The following PTPRM variants were observed in gnomAD, a reference collection of about 807,000 sequenced individuals.
PTPRM encodes the protein protein tyrosine phosphatase receptor type M.
In PTPRM, 47 loss-of-function variants were observed where a neutral mutation model predicts 186.7. That is an observed-to-expected ratio of 0.25 (90% CI 0.20 to 0.32). The LOEUF is 0.32. PTPRM is among the 10% of genes least tolerant of loss of function. PTPRM has a pLI of 1.00. For synonymous variants in PTPRM, 668 were observed against 674.9 expected, an observed-to-expected ratio of 0.99 and a Z score of 0.16; for missense variants, 1,494 against 1,865.0, an observed-to-expected ratio of 0.80 and a Z score of 3.66.
chr18:7,797,201 T>C (rs1253505384), intron 2 of PTPRM, among the ~76,000 whole-genome samples: 1 of 152,240 alleles, frequency 6.6e-6, no homozygotes, highest in Non-Finnish European at 1.5e-5. Flanking sequence ...GTGACCCTGC[T>C]CTACTGTCCT....
Position 7,567,339 on chromosome 18 carries a change from C to G in PTPRM, c.-480C>G, listed in dbSNP as rs931275316. On this transcript the variant is annotated 5_prime_UTR_variant, in exon 1 of 33. Coordinates refer to ENST00000580170, the MANE Select transcript of PTPRM (RefSeq NM_001105244.2). This position sits in a 1 kb window ranked among gnomAD's most constrained non-coding sequence, Gnocchi z 4.3. ...CCAGTCAGTCGGGGAGCAAGAGCCC[C>G]GCGCGCAGCCGGCGCGGGCTCGGTC... The G allele has an allele frequency of 6.7e-6, 1 of 148,490 alleles. No homozygotes were observed. Among genetic ancestry groups the G allele is most frequent in the South Asian group, 2.1e-4 (1 of 4,836 alleles). The allele number at this position is 148,490 out of a possible 1,614,324, so 9.2% of individuals were successfully genotyped here.
intron 8 of PTPRM, among the ~76,000 whole-genome samples, chr18:8,073,885 A>G (rs1327844631): frequency 6.6e-6 from 1 of 152,216 alleles, no homozygotes; most frequent in African/African-American, 2.4e-5. Flanking sequence ...AGCCCGGATG[A>G]CAGAGCAAGA....
intron 14 of PTPRM, among the ~76,000 whole-genome samples, chr18:8,178,436 A>T (rs960364363): frequency 6.6e-6 from 1 of 152,178 alleles, no homozygotes; most frequent in Admixed American, 6.5e-5. Flanking sequence ...TGGCCTGATT[A>T]TTTGCATAAA....
At chr18:8,068,658 T>C (rs1455111907) in intron 7 of PTPRM, among the ~76,000 whole-genome samples, 1 of 152,222 alleles carries the variant, frequency 6.6e-6, no homozygotes, top group African/African-American at 2.4e-5. Context: ...CTATTCAGAT[T>C]GAAATCCAAA....
intron 2 of PTPRM, among the ~76,000 whole-genome samples, chr18:7,775,474 A>G (rs1467978857): frequency 6.6e-6 from 1 of 152,154 alleles, no homozygotes; most frequent in African/African-American, 2.4e-5. Context: ...AGAGGAGAAC[A>G]CAGCTGTGCT....
chr18:8,090,691 G>T (rs749237111), intron 11 of PTPRM, among the ~76,000 whole-genome samples: 14 of 152,120 alleles, frequency 9.2e-5, no homozygotes, highest in African/African-American at 2.9e-4. Context: ...TGCCTCCCAG[G>T]TTCAAGCGAT....
chr18:8,054,297 TAATA>T lies in PTPRM; in HGVS notation c.1133-15388_1133-15385del, dbSNP rs1414673949. ...TAGTAGTAATATATACTAGTAGTAG[TAATA>T]TATATATATATATATATATATTACT... On this transcript the variant is annotated intron_variant, in intron 7 of 32. Coordinates refer to ENST00000580170, the MANE Select transcript of PTPRM (RefSeq NM_001105244.2). Among the ~76,000 whole-genome samples the T allele has an allele frequency of 1.2e-3, 27 of 22,810 alleles. 2 individuals are homozygous for T. The highest frequency in any genetic ancestry group is 3.6e-3 in the African/African-American group (23 of 6,404). The allele number at this position is 22,810 out of a possible 152,430, so 15.0% of individuals were successfully genotyped here.
At chr18:8,163,468 C>T (rs2093267982) in intron 14 of PTPRM, among the ~76,000 whole-genome samples, 1 of 152,184 alleles carries the variant, frequency 6.6e-6, no homozygotes, top group Non-Finnish European at 1.5e-5. Context: ...GTCCCCTGCC[C>T]TCCTTAGCCA....
chr18:7,976,483 C>G (rs1052886248), intron 7 of PTPRM, among the ~76,000 whole-genome samples: 1 of 152,098 alleles, frequency 6.6e-6, no homozygotes, highest in Non-Finnish European at 1.5e-5. Context: ...TTCGTTGGTA[C>G]GATGTGTTGA....
intron 1 of PTPRM, among the ~76,000 whole-genome samples, chr18:7,573,463 G>A (rs2036610415): frequency 6.6e-6 from 1 of 152,174 alleles, no homozygotes; most frequent in African/African-American, 2.4e-5. Flanking sequence ...GCTTCCTGGG[G>A]CCCAGCTGTG....
chr18:7,895,011 A>G (rs2146426721), intron 3 of PTPRM, among the ~76,000 whole-genome samples: 1 of 152,378 alleles, frequency 6.6e-6, no homozygotes, highest in South Asian at 2.1e-4. Flanking sequence ...TGATTAATGA[A>G]TTCTTTTAAA....
intron 2 of PTPRM, among the ~76,000 whole-genome samples, chr18:7,788,428 A>C (rs1226167856): frequency 1.3e-5 from 2 of 152,198 alleles, no homozygotes; most frequent in Non-Finnish European, 2.9e-5. Context: ...TATACTTAGA[A>C]TTAGGTGTAG....
At chr18:7,787,855 A>G (rs2043163803) in intron 2 of PTPRM, among the ~76,000 whole-genome samples, 1 of 152,246 alleles carries the variant, frequency 6.6e-6, no homozygotes, top group African/African-American at 2.4e-5. Context: ...AAAACTGAGA[A>G]AGTTTGAAAA....
chr18:7,842,106 A>T (rs2046355145), intron 2 of PTPRM, among the ~76,000 whole-genome samples: 1 of 152,180 alleles, frequency 6.6e-6, no homozygotes, highest in South Asian at 2.1e-4. Flanking sequence ...AACACCAAGC[A>T]TGTCTGCTTC....
chr18:7,585,961 T>C (rs2036967782), intron 1 of PTPRM, among the ~76,000 whole-genome samples: 1 of 152,216 alleles, frequency 6.6e-6, no homozygotes, highest in Non-Finnish European at 1.5e-5. Context: ...CAGCTGATAC[T>C]CATAGAATAC....
At chr18:8,401,939 G>T (rs76523979) in intron 32 of PTPRM, among the ~76,000 whole-genome samples, 4,283 of 152,312 alleles carry the variant, frequency 0.028, 258 homozygotes, top group East Asian at 0.27. Context: ...AGGATGTGAG[G>T]AGGACCGGGC....
At chr18:8,379,046 GGA>G (rs2095714347) in intron 27 of PTPRM, 119 bp from the exon 28 acceptor site, 12 of 734,444 alleles carry the variant, frequency 1.6e-5, no homozygotes, top group African/African-American at 1.1e-4. Flanking sequence ...GGTTGGGGAG[GGA>G]GGGGGAAGGG....
intron 7 of PTPRM, among the ~76,000 whole-genome samples, chr18:8,000,832 A>ACAATTGCCAACGTTTATGTGCTTTTC (rs2083827419): frequency 6.6e-6 from 1 of 152,234 alleles, no homozygotes; most frequent in African/African-American, 2.4e-5. Context: ...AGTAGCTTTT[A>ACAATTGCCAACGTTTATGTGCTTTTC]CAATTGCCAA....
At chr18:7,634,689 A>G (rs16952257) in intron 1 of PTPRM, among the ~76,000 whole-genome samples, 36,385 of 152,120 alleles carry the variant, frequency 0.24, 5,835 homozygotes, top group African/African-American at 0.44. Context: ...TATTCTTGTA[A>G]AATCCTTGAC....
Sources: gnomAD v4.1 joint callset for allele counts (sites outside exome capture counted in the v4.1 genomes callset) on GRCh38, gnomAD v4.1.1 for gene constraint, Gnocchi (gnomAD v3.1) non-coding constraint, MANE v1.5 for transcripts, NCBI Gene and HGNC (gene_info 2026-07-23, HGNC 2026-07-21) for gene names.